Variants in NALF2 observed in about 807,000 individuals in gnomAD.
NALF2 encodes the protein bB57D9.1 (TED protein).
A neutral mutation model predicts 24.8 loss-of-function variants in NALF2; 1 was observed. That is an observed-to-expected ratio of 0.04 (90% CI 0.01 to 0.19). The LOEUF (loss-of-function observed/expected upper bound fraction) is 0.19, where lower values mean the gene tolerates loss of function less well. Ranked by LOEUF, NALF2 falls within the 10% of genes least tolerant of loss-of-function variation. The pLI is 1.00. For missense variants in NALF2, 458 were observed against 409.6 expected, an observed-to-expected ratio of 1.12 and a Z score of -1.02; for synonymous variants, 254 against 189.8, an observed-to-expected ratio of 1.34 and a Z score of -2.78.
chrX:69,519,687 A>T (rs762016928), intron 1 of NALF2, among the ~76,000 whole-genome samples: 1 of 112,403 alleles, frequency 8.9e-6, no homozygotes, highest in Non-Finnish European at 1.9e-5. Flanking sequence ...AGGACATGGA[A>T]ATACAGGGAC....
rs1200935786 is a variant in NALF2, at chrX:69,529,980, C to T, written c.*24C>T. The T allele has an allele frequency of 1.8e-6, 2 of 1,116,915 alleles. No individual in the cohort carries two copies. The highest frequency in any genetic ancestry group is 1.2e-6 in the Non-Finnish European group (1 of 830,388). 92.0% of individuals were successfully genotyped at this position (1,116,915 alleles called of 1,213,427 possible). A position where few individuals can be genotyped will look rare whatever the true frequency, so the allele number is the denominator to read the frequency against. On this transcript the variant is annotated 3_prime_UTR_variant, in exon 3 of 3. Transcript: ENST00000252338. ...GACAGTAGGGAGGGAGGACAGACCT[C>T]CACCACACTGACATCAGCTCCAGCT...
chrX:69,528,357 A>G (rs1930838698), intron 1 of NALF2, among the ~76,000 whole-genome samples: 1 of 111,765 alleles, frequency 8.9e-6, no homozygotes, highest in African/African-American at 3.3e-5. Context: ...AGGGCAGAGC[A>G]TGGATCAAGT....
intron 1 of NALF2, among the ~76,000 whole-genome samples, chrX:69,520,674 C>T (rs760695284): frequency 8.9e-6 from 1 of 111,755 alleles, no homozygotes; most frequent in African/African-American, 3.3e-5. Context: ...GTCTTCACCC[C>T]CAACTCTATG....
At chrX:69,525,789 C>T (rs1930798711) in intron 1 of NALF2, among the ~76,000 whole-genome samples, 2 of 108,001 alleles carry the variant, frequency 1.9e-5, no homozygotes, top group South Asian at 8.4e-4. Context: ...CCCGTTGTTT[C>T]CTACCCCCAC....
chrX:69,505,166 C>A lies in NALF2; in HGVS notation c.-117C>A, dbSNP rs1930437739. ...GGCCGGCCTGCCTCACCATGCAGCC[C>A]CCGAGGTAGAGCCTGGACGGCGCCG... On this transcript the variant is annotated 5_prime_UTR_variant, in exon 1 of 3. Transcript: ENST00000252338. 1 of 734,908 alleles carries A rather than the reference C, an allele frequency of 1.4e-6. No homozygotes were observed. The highest frequency in any genetic ancestry group is 4.4e-5 in the East Asian group (1 of 22,500). The allele number at this position is 734,908 out of a possible 1,213,427, so 60.6% of individuals were successfully genotyped here.
intron 1 of NALF2, among the ~76,000 whole-genome samples, chrX:69,527,349 A>G (rs1201291027): frequency 6.2e-5 from 7 of 112,067 alleles, no homozygotes; most frequent in Non-Finnish European, 1.3e-4. Flanking sequence ...AACACAACCT[A>G]CCCCATCACC....
chrX:69,531,737 A>G lies in NALF2; in HGVS notation c.*1781A>G, dbSNP rs1474863415. The G allele has an allele frequency of 9.0e-6, 1 of 111,360 alleles. No individual in the cohort carries two copies. The highest frequency in any genetic ancestry group is 1.9e-5 in the Non-Finnish European group (1 of 52,949). The allele number at this position is 111,360 out of a possible 1,213,427, so 9.2% of individuals were successfully genotyped here. Reference sequence around the variant, plus strand: ...TCCTTCCCTGCCAGTTTTCTCATTTATTACAGCCTATCCCCCAACCCTACC... The same window carrying G: ...TCCTTCCCTGCCAGTTTTCTCATTTGTTACAGCCTATCCCCCAACCCTACC... On this transcript the variant is annotated 3_prime_UTR_variant, in exon 3 of 3. Coordinates refer to ENST00000252338, the MANE Select transcript of NALF2 (RefSeq NM_015686.3).
chrX:69,523,651 C>T (rs1031805926), intron 1 of NALF2, among the ~76,000 whole-genome samples: 5 of 112,149 alleles, frequency 4.5e-5, no homozygotes, highest in African/African-American at 1.3e-4. Flanking sequence ...AGCAGTGGCC[C>T]GACTGAGGTG....
chrX:69,524,180 C>T (rs1291403235), intron 1 of NALF2, among the ~76,000 whole-genome samples: 1 of 106,883 alleles, frequency 9.4e-6, no homozygotes, highest in Non-Finnish European at 1.9e-5. Flanking sequence ...TCACTGCAAC[C>T]TCCTCCCCCT....
rs749290674 is a variant in NALF2 at position 69,529,839 on chromosome X, C to T, written c.1302C>T (p.Cys434=). 2 of 1,209,721 alleles carry T rather than the reference C, an allele frequency of 1.7e-6. No individual in the cohort carries two copies. The highest frequency in any genetic ancestry group is 1.8e-5 in the African/African-American group (1 of 57,140). The change falls in exon 3 of 3, where the codon TGC becomes TGT. Residue 434 remains cysteine (C), a synonymous_variant. Coordinates refer to ENST00000252338, the MANE Select transcript of NALF2 (RefSeq NM_015686.3). ...SRLSPSRIRL[C]VLVLMLLHTV... is the part of the protein sequence containing the mutation. ...TCAGCCCTAGCAGGATCCGGCTCTG[C>T]GTCCTTGTTCTCATGCTCCTCCATA...
rs1204805126 is a variant in NALF2, at chrX:69,530,016, G to C, written c.*60G>C. The C allele has an allele frequency of 6.5e-6, 6 of 916,034 alleles. No individual in the cohort carries two copies. Among genetic ancestry groups the C allele is most frequent in the Non-Finnish European group, 8.9e-6 (6 of 673,306 alleles). 75.5% of individuals were successfully genotyped at this position (916,034 alleles called of 1,213,427 possible). A position where few individuals can be genotyped will look rare whatever the true frequency, so the allele number is the denominator to read the frequency against. ...ACATCAGCTCCAGCTCCCCCAGGTT[G>C]GGGGGGAGGGGGCTCCTCCCATGGG... On this transcript the variant is annotated 3_prime_UTR_variant, in exon 3 of 3. Transcript: ENST00000252338.
chrX:69,507,967 T>C (rs1014441822), intron 1 of NALF2, among the ~76,000 whole-genome samples: 1 of 111,149 alleles, frequency 9.0e-6, no homozygotes, highest in Non-Finnish European at 1.9e-5. Context: ...ATCTCTCATG[T>C]TGATTGTTTT....
Position 69,529,122 on chromosome X carries a change from G to A in NALF2, c.991G>A (p.Glu331Lys). ...GTGCCCCTTTATACTCCCCGACAAT[G>A]AGGAAATGGTGTACGGAGGGCTCCC... Reference protein sequence around the residue: ...TRCPFILPDNEEMVYGGLPGF... With the variant: ...TRCPFILPDNKEMVYGGLPGF... The change falls in exon 2 of 3, where the codon GAG (glutamate) becomes AAG (lysine). Residue 331 changes from glutamate (E) to lysine (K), a missense_variant. Transcript: ENST00000252338. The A allele has an allele frequency of 8.3e-7, 1 of 1,211,033 alleles. No homozygotes were observed. Among genetic ancestry groups the A allele is most frequent in the Non-Finnish European group, 1.1e-6 (1 of 895,112 alleles).
At chrX:69,510,216 G>C (rs1930560810) in intron 1 of NALF2, among the ~76,000 whole-genome samples, 2 of 112,370 alleles carry the variant, frequency 1.8e-5, no homozygotes, top group South Asian at 7.4e-4. Flanking sequence ...AGCAAAGCTT[G>C]CTCATTGAAC....
intron 1 of NALF2, among the ~76,000 whole-genome samples, chrX:69,527,257 A>C (rs906380207): frequency 8.9e-6 from 1 of 111,811 alleles, no homozygotes; most frequent in Non-Finnish European, 1.9e-5. Flanking sequence ...TACATTTTAA[A>C]ATTTATAACA....
At chrX:69,524,031 G>C (rs1171074763) in intron 1 of NALF2, among the ~76,000 whole-genome samples, 4 of 111,114 alleles carry the variant, frequency 3.6e-5, no homozygotes, top group African/African-American at 1.3e-4. Flanking sequence ...AGATGTGTAG[G>C]CTCCACCCAC....
chrX:69,519,788 G>C (rs1006398303), intron 1 of NALF2, among the ~76,000 whole-genome samples: 2 of 112,085 alleles, frequency 1.8e-5, no homozygotes, highest in Non-Finnish European at 3.8e-5. Flanking sequence ...TTGGCTTCTT[G>C]AAAGAGTAGT....
At chrX:69,525,141 C>G in intron 1 of NALF2, among the ~76,000 whole-genome samples, 2 of 112,111 alleles carry the variant, frequency 1.8e-5, no homozygotes, top group East Asian at 2.8e-4. Flanking sequence ...ACGGGAGCGC[C>G]CAGCCACCAT....
In NALF2 at chrX:69,530,171, A is replaced by G. The variant is rs1164178025; in HGVS notation, c.*215A>G. On this transcript the variant is annotated 3_prime_UTR_variant, in exon 3 of 3. Transcript: ENST00000252338. ...GGGAGCTGCAAAACTCATCCAGGAG[A>G]AAAAGGCAGGAGCAGCAAGTGACCC... The G allele has an allele frequency of 5.4e-6, 2 of 371,408 alleles. No individual in the cohort carries two copies. The highest frequency in any genetic ancestry group is 9.2e-6 in the Non-Finnish European group (2 of 216,811). 30.6% of individuals were successfully genotyped at this position (371,408 alleles called of 1,213,427 possible). A position where few individuals can be genotyped will look rare whatever the true frequency, so the allele number is the denominator to read the frequency against.
Sources: allele counts gnomAD v4.1 joint callset (sites outside exome capture counted in the v4.1 genomes callset), GRCh38; gene constraint gnomAD v4.1.1; transcripts MANE v1.5; gene names NCBI Gene and HGNC (gene_info 2026-07-23, HGNC 2026-07-21).